The following RNF130 variants were observed in gnomAD, a reference collection of about 807,000 sequenced individuals.
The protein encoded by RNF130 is E3 ubiquitin-protein ligase RNF130.
In RNF130, 21 loss-of-function variants were observed where a neutral mutation model predicts 44.6. That is an observed-to-expected ratio of 0.47 (90% CI 0.33 to 0.68). The LOEUF is 0.68. Ranked by LOEUF, RNF130 falls within the 30% of genes least tolerant of loss-of-function variation. RNF130 has a pLI of 0.02. For synonymous variants in RNF130, 214 were observed against 210.4 expected, an observed-to-expected ratio of 1.02 and a Z score of -0.15; for missense variants, 479 against 560.6, an observed-to-expected ratio of 0.85 and a Z score of 1.47.
chr5:179,938,106 G>A (rs1158420949), intron 7 of RNF130, among the ~76,000 whole-genome samples: 6 of 151,918 alleles, frequency 3.9e-5, no homozygotes, highest in African/African-American at 9.7e-5. Flanking sequence ...ACAGGTACGC[G>A]GCACCACGTC....
At chr5:179,944,840 C>T (rs143706330) in intron 7 of RNF130, among the ~76,000 whole-genome samples, 141 of 152,246 alleles carry the variant, frequency 9.3e-4, no homozygotes, top group Non-Finnish European at 1.7e-3. Flanking sequence ...CCTGCTAGTC[C>T]CCTTTCCTCC....
At chr5:180,049,185 G>C (rs1312664341) in intron 1 of RNF130, among the ~76,000 whole-genome samples, 1 of 152,138 alleles carries the variant, frequency 6.6e-6, no homozygotes, top group Non-Finnish European at 1.5e-5. Context: ...AAGCTTCTTT[G>C]GTTTCCAAGC....
exon 8 of RNF130, chr5:179,915,697 G>A (rs192268930): frequency 5.2e-5 from 8 of 152,404 alleles, no homozygotes; most frequent in African/African-American, 1.9e-4. Context: ...GACCCCCAGT[G>A]CGGTTCCTTT....
At chr5:179,959,508 A>T (rs1762279569) in intron 8 of RNF130, among the ~76,000 whole-genome samples, 1 of 152,020 alleles carries the variant, frequency 6.6e-6, no homozygotes, top group South Asian at 2.1e-4. Context: ...GGTGCCTGTA[A>T]TCCCAGCTAC....
At chr5:180,028,981 G>A (rs557477561) in intron 2 of RNF130, among the ~76,000 whole-genome samples, 46 of 152,256 alleles carry the variant, frequency 3.0e-4, no homozygotes, top group African/African-American at 1.0e-3. Context: ...CAGTTTGTTA[G>A]CTCAATAAAT....
At chr5:180,070,603 G>C (rs115608109) in intron 1 of RNF130, among the ~76,000 whole-genome samples, 1,552 of 152,262 alleles carry the variant, frequency 0.01, 16 homozygotes, top group Non-Finnish European at 0.015. Context: ...AATGAGGGTG[G>C]GGATAATGGC....
At chr5:179,933,843 T>C in intron 7 of RNF130, 1 of 785,810 alleles carries the variant, frequency 1.3e-6, no homozygotes, top group Non-Finnish European at 2.1e-6. Context: ...CCTGTGTGTT[T>C]TTGTCTTGCT....
chr5:180,030,309 A>G (rs1224505500), intron 2 of RNF130, among the ~76,000 whole-genome samples: 1 of 152,210 alleles, frequency 6.6e-6, no homozygotes, highest in African/African-American at 2.4e-5. Context: ...GTTTCAGTTT[A>G]AGAATCTTGT....
chr5:179,996,130 C>T (rs1269267430), intron 3 of RNF130, among the ~76,000 whole-genome samples: 2 of 152,162 alleles, frequency 1.3e-5, no homozygotes, highest in Non-Finnish European at 2.9e-5. Context: ...TCTTCAATTT[C>T]TGTCATCAGT....
intron 2 of RNF130, among the ~76,000 whole-genome samples, chr5:180,035,855 T>C (rs1029936040): frequency 6.6e-6 from 1 of 152,222 alleles, no homozygotes; most frequent in African/African-American, 2.4e-5. Flanking sequence ...CTCGGCTCTT[T>C]TATAGAATTT....
chr5:179,941,434 G>A (rs1201197780), intron 7 of RNF130, among the ~76,000 whole-genome samples: 2 of 152,142 alleles, frequency 1.3e-5, no homozygotes, highest in Non-Finnish European at 2.9e-5. Flanking sequence ...CCAGTTCCAG[G>A]CTGTAGCCCT....
At chr5:180,010,663 G>T (rs559412490) in intron 3 of RNF130, among the ~76,000 whole-genome samples, 1 of 152,258 alleles carries the variant, frequency 6.6e-6, no homozygotes, top group Non-Finnish European at 1.5e-5. Context: ...CCTGGCCCAT[G>T]ATTCCACCTA....
intron 7 of RNF130, among the ~76,000 whole-genome samples, chr5:179,932,159 T>C (rs893523274): frequency 1.3e-5 from 2 of 152,228 alleles, no homozygotes; most frequent in African/African-American, 4.8e-5. Flanking sequence ...AGGGTGTTCC[T>C]TCAGAAGCAA....
chr5:180,008,062 C>T (rs1427081565), intron 3 of RNF130, among the ~76,000 whole-genome samples: 1 of 150,680 alleles, frequency 6.6e-6, no homozygotes, highest in Non-Finnish European at 1.5e-5. Flanking sequence ...GCCTGGGGCC[C>T]TCAAGACATG....
intron 5 of RNF130, among the ~76,000 whole-genome samples, chr5:179,974,031 G>A (rs530314864): frequency 4.1e-4 from 62 of 152,238 alleles, no homozygotes; most frequent in African/African-American, 1.3e-3. Flanking sequence ...AGAGTGCTGC[G>A]GGAGGGGAGG....
chr5:180,051,940 C>T (rs910628748), intron 1 of RNF130, among the ~76,000 whole-genome samples: 1 of 152,208 alleles, frequency 6.6e-6, no homozygotes, highest in African/African-American at 2.4e-5. Context: ...GGTCCTCATA[C>T]AAAGTTGGTG....
chr5:180,039,002 C>G (rs1245542028), intron 2 of RNF130, among the ~76,000 whole-genome samples: 1 of 152,164 alleles, frequency 6.6e-6, no homozygotes, highest in Non-Finnish European at 1.5e-5. Context: ...GCTCTGAAAC[C>G]TAGCAGAAAA....
rs1165183331 is a variant in RNF130 at position 179,977,057 on chromosome 5, TGGG to T, written c.848+1143_848+1145del. The T allele has an allele frequency of 6.6e-6, 1 of 152,198 alleles. No individual in the cohort carries two copies. The highest frequency in any genetic ancestry group is 1.9e-4 in the East Asian group (1 of 5,190). The allele number at this position is 152,198 out of a possible 1,614,324, so 9.4% of individuals were successfully genotyped here. A position where few individuals can be genotyped will look rare whatever the true frequency, so the allele number is the denominator to read the frequency against. ...TCATGGAGGAAGGCTTGGTCCCATG[TGGG>T]GAGCACCACATTAAAGGCAGGCCTT... On this transcript the variant is annotated intron_variant, in intron 5 of 8. Transcript: ENST00000521389. The surrounding 1 kb of genome is among the most constrained non-coding windows in gnomAD (Gnocchi z 4.1).
chr5:179,973,528 C>G (rs904272383), intron 5 of RNF130, among the ~76,000 whole-genome samples: 16 of 152,246 alleles, frequency 1.1e-4, no homozygotes, highest in Non-Finnish European at 1.9e-4. Flanking sequence ...TGGGAAGTGT[C>G]TGGAGCAGTC....
Sources: gnomAD v4.1 joint callset for allele counts (sites outside exome capture counted in the v4.1 genomes callset) on GRCh38, gnomAD v4.1.1 for gene constraint, Gnocchi (gnomAD v3.1) non-coding constraint, MANE v1.5 for transcripts, NCBI Gene and HGNC (gene_info 2026-07-23, HGNC 2026-07-21) for gene names.